ADRA1A: variants seen among roughly 807,000 people sequenced by gnomAD.
The protein encoded by ADRA1A is alpha-1A adrenergic receptor.
A neutral mutation model predicts 29.6 loss-of-function variants in ADRA1A; 31 were observed. The ratio of observed to expected loss-of-function variants is 1.05; its 90% CI spans 0.79 to 1.41. The LOEUF is 1.41. Ranked by LOEUF, ADRA1A falls within the 40% of genes most tolerant of loss-of-function variation. The pLI is 0.00. For missense variants in ADRA1A, 619 were observed against 601.1 expected, an observed-to-expected ratio of 1.03 and a Z score of -0.31; for synonymous variants, 311 against 254.3, an observed-to-expected ratio of 1.22 and a Z score of -2.12.
At chr8:26,840,462 A>T (rs572474021) in intron 2 of ADRA1A, among the ~76,000 whole-genome samples, 5 of 152,320 alleles carry the variant, frequency 3.3e-5, no homozygotes, top group African/African-American at 1.2e-4. Flanking sequence ...GGGCCAAAGC[A>T]GTTACCATGG....
chr8:26,770,667 C>T lies in ADRA1A; in HGVS notation c.884-1G>A. The T allele has an allele frequency of 6.2e-7, 1 of 1,606,324 alleles. No homozygotes were observed. The highest frequency in any genetic ancestry group is 8.5e-7 in the Non-Finnish European group (1 of 1,176,406). ...GGCTTGAAATCAGGGAAGAAAGACC[C>T]TGGAAGAAAACACACAGATTTATAC... On this transcript the variant is annotated splice_acceptor_variant, in intron 2 of 2. Transcript: ENST00000380573. LOFTEE classifies it high-confidence loss of function.
At chr8:26,762,923 G>T (rs1805585021), downstream of ADRA1A, among the ~76,000 whole-genome samples, 1 of 152,154 alleles carries the variant, frequency 6.6e-6, no homozygotes, top group Non-Finnish European at 1.5e-5. This position sits in a 1 kb window ranked among gnomAD's most constrained non-coding sequence, Gnocchi z 4.0. Flanking sequence ...GGAACAAGAG[G>T]TCCCTCCAAC....
chr8:26,822,662 A>C (rs541920885), intron 2 of ADRA1A, among the ~76,000 whole-genome samples: 1 of 152,350 alleles, frequency 6.6e-6, no homozygotes, highest in East Asian at 1.9e-4. Context: ...GTTTAGATAC[A>C]GGCTGTATTA....
intron 2 of ADRA1A, among the ~76,000 whole-genome samples, chr8:26,781,286 G>A (rs1806962688): frequency 6.6e-6 from 1 of 152,132 alleles, no homozygotes; most frequent in African/African-American, 2.4e-5. Context: ...GCATTTAGTA[G>A]GCTCCCAACA....
intron 2 of ADRA1A, among the ~76,000 whole-genome samples, chr8:26,813,489 T>TCCATCC (rs376416595): frequency 6.7e-6 from 1 of 149,816 alleles, no homozygotes. Flanking sequence ...CTCTTGCATC[T>TCCATCC]ATCCATCCAT....
At chr8:26,789,248 T>A (rs1470708228) in intron 2 of ADRA1A, among the ~76,000 whole-genome samples, 2 of 152,194 alleles carry the variant, frequency 1.3e-5, no homozygotes, top group Non-Finnish European at 2.9e-5. Flanking sequence ...ACACACTACA[T>A]GCCTTCAAAA....
At chr8:26,754,696 T>C (rs13266301), downstream of ADRA1A, among the ~76,000 whole-genome samples, 7,613 of 152,240 alleles carry the variant, frequency 0.05, 252 homozygotes, top group Middle Eastern at 0.078. Context: ...TTTACTAAAG[T>C]ATAATTTTAA....
intron 2 of ADRA1A, among the ~76,000 whole-genome samples, chr8:26,801,108 G>A (rs114997974): frequency 0.017 from 2,615 of 152,056 alleles, 66 homozygotes; most frequent in African/African-American, 0.057. Context: ...CAAAAAATTG[G>A]GTATAGAAAG....
intron 2 of ADRA1A, among the ~76,000 whole-genome samples, chr8:26,856,405 ATG>A (rs1813048843): frequency 6.6e-6 from 1 of 152,194 alleles, no homozygotes; most frequent in South Asian, 2.1e-4. Flanking sequence ...AAACTCTATC[ATG>A]TCATTCCTGC....
intron 2 of ADRA1A, among the ~76,000 whole-genome samples, chr8:26,811,842 G>A (rs1166387906): frequency 6.6e-6 from 1 of 152,118 alleles, no homozygotes; most frequent in African/African-American, 2.4e-5. Flanking sequence ...CGTACTATTT[G>A]TGCCTGACTT....
intron 2 of ADRA1A, among the ~76,000 whole-genome samples, chr8:26,788,790 G>A (rs375928182): frequency 3.3e-5 from 5 of 152,046 alleles, no homozygotes; most frequent in Non-Finnish European, 4.4e-5. Context: ...CACCGAATGC[G>A]CTACAACCCA....
chr8:26,778,166 T>A (rs1449477008), intron 2 of ADRA1A, among the ~76,000 whole-genome samples: 1 of 152,144 alleles, frequency 6.6e-6, no homozygotes, highest in Non-Finnish European at 1.5e-5. Flanking sequence ...CATTTCTCCT[T>A]TTAGGAAAAA....
intron 2 of ADRA1A, among the ~76,000 whole-genome samples, chr8:26,856,858 T>C (rs1211257907): frequency 1.3e-5 from 2 of 152,208 alleles, no homozygotes; most frequent in African/African-American, 4.8e-5. Flanking sequence ...AAGATCCCAG[T>C]TGGTTTTACT....
At chr8:26,762,214 C>T (rs560003985), downstream of ADRA1A, among the ~76,000 whole-genome samples, 9 of 152,258 alleles carry the variant, frequency 5.9e-5, no homozygotes, top group African/African-American at 2.2e-4. The surrounding 1 kb of genome is among the most constrained non-coding windows in gnomAD (Gnocchi z 4.0). Flanking sequence ...ATACTGCAGC[C>T]ACCCACTCTG....
In ADRA1A at chr8:26,846,405, C is replaced by T. The variant is rs142854763; in HGVS notation, c.883+17682G>A. ...GGCTGTCCTGTGGTTGTGGAACATTCGGCAGCACCCCTGGTCTAACCCACA... is the reference window on the plus strand; with the variant it reads ...GGCTGTCCTGTGGTTGTGGAACATTTGGCAGCACCCCTGGTCTAACCCACA... On this transcript the variant is annotated intron_variant, in intron 2 of 2. Transcript: ENST00000380573. Among the ~76,000 whole-genome samples the T allele has an allele frequency of 1.8e-3, 276 of 152,274 alleles. 1 individual carries two copies. The highest frequency in any genetic ancestry group is 6.3e-3 in the African/African-American group (263 of 41,556).
chr8:26,769,113 A>T lies in ADRA1A; in HGVS notation c.*1036T>A. 1 of 985,438 alleles carries T rather than the reference A, an allele frequency of 1.0e-6. No homozygotes were observed. The highest frequency in any genetic ancestry group is 1.7e-5 in the African/African-American group (1 of 57,370). 61.0% of individuals were successfully genotyped at this position (985,438 alleles called of 1,614,324 possible). ...GAAGCTCATTCATTATGCAATAGTG[A>T]AGCAGATAAGAAGTAATGGGAGACA... On this transcript the variant is annotated 3_prime_UTR_variant, in exon 3 of 3. Transcript: ENST00000380573.
intron 2 of ADRA1A, among the ~76,000 whole-genome samples, chr8:26,861,517 C>T (rs1256282369): frequency 6.6e-6 from 1 of 152,068 alleles, no homozygotes; most frequent in East Asian, 1.9e-4. Context: ...ATTCTTGTAG[C>T]TTTAAAGATG....
At position 26,821,906 on chromosome 8, in the gene ADRA1A, T is replaced by A. The variant is rs1810198642; in HGVS notation, c.883+42181A>T. ...CTTAGCATTATTCTCTGGTACTTCA[T>A]CTAGAGAATGTTGCACATATCAATA... On this transcript the variant is annotated intron_variant, in intron 2 of 2. Transcript: ENST00000380573. The surrounding 1 kb of genome is among the most constrained non-coding windows in gnomAD (Gnocchi z 5.6). Among the ~76,000 whole-genome samples, 1 of 152,240 alleles carries A rather than the reference T, an allele frequency of 6.6e-6. No homozygotes were observed.
chr8:26,799,619 A>AGATATACTTTTCTGGGT (rs1196821865), intron 2 of ADRA1A, among the ~76,000 whole-genome samples: 2 of 152,176 alleles, frequency 1.3e-5, no homozygotes, highest in Non-Finnish European at 2.9e-5. Flanking sequence ...TGCTGATCTA[A>AGATATACTTTTCTGGGT]GATATACTTT....
Sources: gnomAD v4.1 joint callset for allele counts (sites outside exome capture counted in the v4.1 genomes callset) on GRCh38, gnomAD v4.1.1 for gene constraint, Gnocchi (gnomAD v3.1) non-coding constraint, MANE v1.5 for transcripts, NCBI Gene and HGNC (gene_info 2026-07-23, HGNC 2026-07-21) for gene names.